Variants in FRRS1L observed in about 807,000 individuals in gnomAD.
FRRS1L encodes the protein ferric chelate reductase 1 like.
Under a neutral mutation model 28.6 loss-of-function variants are expected in FRRS1L, and 22 were observed. The observed-to-expected ratio is 0.77, with a 90% CI of 0.55 to 1.10. The LOEUF (loss-of-function observed/expected upper bound fraction) is 1.10. Ranked by LOEUF, FRRS1L falls within the 50% of genes least tolerant of loss-of-function variation. The pLI is 0.00. For missense variants in FRRS1L, 380 were observed against 386.9 expected (o/e 0.98, Z 0.15); for synonymous variants, 158 against 151.4 (o/e 1.04, Z -0.32).
chr9:109,151,822 T>C (rs954809963), intron 1 of FRRS1L: 1 of 152,770 alleles, frequency 6.5e-6, no homozygotes, highest in Non-Finnish European at 1.5e-5. Flanking sequence ...GTTTTGTTTT[T>C]TTCTGAATAG....
intron 1 of FRRS1L, among the ~76,000 whole-genome samples, chr9:109,164,626 G>A (rs1407476100): frequency 6.6e-6 from 1 of 152,058 alleles, no homozygotes; most frequent in Non-Finnish European, 1.5e-5. Flanking sequence ...TCGAACTCCT[G>A]ACCTCCTGAT....
chr9:109,131,862 G>A lies in FRRS1L; in HGVS notation c.*5593C>T, dbSNP rs1467504102. 6.6e-6 allele frequency: 1 copy of A among 152,146 alleles called. No homozygotes were observed. The allele number at this position is 152,146 out of a possible 1,614,324, so 9.4% of individuals were successfully genotyped here. A position where few individuals can be genotyped will look rare whatever the true frequency, so the allele number is the denominator to read the frequency against. ...ATCCCAGCCTTTGGCCTAGTGCAGT[G>A]GTTCTCAAACATTTTTCCATTATGG... On this transcript the variant is annotated 3_prime_UTR_variant, in exon 5 of 5. Transcript: ENST00000561981.
chr9:109,151,038 C>A (rs901839622), intron 1 of FRRS1L: 1 of 151,652 alleles, frequency 6.6e-6, no homozygotes. Context: ...CTAATTTTGT[C>A]CATTAGATTT....
In FRRS1L at chr9:109,156,689, GT is replaced by G. The variant is rs57521762; in HGVS notation, c.239-6970del. On this transcript the variant is annotated intron_variant, in intron 1 of 4. Transcript: ENST00000561981. Reference sequence around the variant, plus strand: ...CAGGCATGAGCCACTGCACCTGGATGTTTTTTTTTTTTTTTTTGAGACGGGG... The same window carrying G: ...CAGGCATGAGCCACTGCACCTGGATGTTTTTTTTTTTTTTTTGAGACGGGG... Among the ~76,000 whole-genome samples the G allele has an allele frequency of 2.1e-3, 284 of 133,470 alleles. 4 individuals carry two copies. The South Asian group carries it at 0.029, about 14-fold the overall frequency. The allele number at this position is 133,470 out of a possible 152,430, so 87.6% of individuals were successfully genotyped here.
At chr9:109,166,508 GC>G (rs764688186) in intron 1 of FRRS1L, among the ~76,000 whole-genome samples, 150 of 152,216 alleles carry the variant, frequency 9.9e-4, no homozygotes, top group Middle Eastern at 3.4e-3. Flanking sequence ...CTTCCCCCTA[GC>G]TGCCCTGGCC....
At chr9:109,156,088 T>G (rs1258934656) in intron 1 of FRRS1L, among the ~76,000 whole-genome samples, 2 of 152,176 alleles carry the variant, frequency 1.3e-5, no homozygotes, top group African/African-American at 4.8e-5. Context: ...GGATTCCCGG[T>G]AATAATCTAG....
At chr9:109,142,051 C>T (rs919479072) in intron 3 of FRRS1L, among the ~76,000 whole-genome samples, 1 of 150,436 alleles carries the variant, frequency 6.6e-6, no homozygotes, top group Non-Finnish European at 1.5e-5. Flanking sequence ...GGGCTATAAA[C>T]CCAAAATTTC....
At chr9:109,143,416 T>G (rs1263755007) in intron 3 of FRRS1L, among the ~76,000 whole-genome samples, 1 of 152,012 alleles carries the variant, frequency 6.6e-6, no homozygotes, top group African/African-American at 2.4e-5. Flanking sequence ...AGGGGGTATA[T>G]GGGAAATCTG....
chr9:109,140,658 CTGGA>C (rs1252006937), intron 4 of FRRS1L: 13 of 152,092 alleles, frequency 8.5e-5, no homozygotes, highest in African/African-American at 3.1e-4. Context: ...GTGTCAATCT[CTGGA>C]GAAGTCTCCA....
chr9:109,132,275 G>A lies in FRRS1L; in HGVS notation c.*5180C>T, dbSNP rs10979697. 0.067 allele frequency: 10,168 copies of A among 152,102 alleles called. 433 individuals are homozygous for A. The highest frequency in any genetic ancestry group is 0.11 in the African/African-American group (4,356 of 41,482). 9.4% of individuals were successfully genotyped at this position (152,102 alleles called of 1,614,324 possible). On this transcript the variant is annotated 3_prime_UTR_variant, in exon 5 of 5. Coordinates refer to ENST00000561981, the MANE Select transcript of FRRS1L (RefSeq NM_014334.4). ...CAGGCTTGAGCCACCGCGCCCGGCC[G>A]ATACAACTTTTTAAAACATCTCTAG...
chr9:109,154,654 C>G (rs1188435960), intron 1 of FRRS1L, among the ~76,000 whole-genome samples: 1 of 152,154 alleles, frequency 6.6e-6, no homozygotes, highest in Non-Finnish European at 1.5e-5. Flanking sequence ...CAAAGCCAAT[C>G]TTATATTTTT....
Position 109,166,994 on chromosome 9 carries a change from C to T in FRRS1L, c.145G>A (p.Asp49Asn), listed in dbSNP as rs1051565536. ...GGCACCGCCTCGTCGGCGCCCGTGT[C>T]CCCCCGCGCGCGTCCCCGGGGTCCC... ...GRGPRGRARG[D>N]TGADEAVPRH... Residue 49 changes from aspartate to asparagine, a missense_variant, in exon 1 of 5, where the codon GAC becomes AAC. By Grantham distance (23) the Asp-to-Asn change is conservative. Transcript: ENST00000561981. 2 of 1,265,704 alleles carry T rather than the reference C, an allele frequency of 1.6e-6. No homozygotes were observed. Among genetic ancestry groups the T allele is most frequent in the Non-Finnish European group, 1.0e-6 (1 of 1,003,486 alleles). 78.4% of individuals were successfully genotyped at this position (1,265,704 alleles called of 1,614,324 possible).
intron 3 of FRRS1L, among the ~76,000 whole-genome samples, chr9:109,143,402 C>A (rs886236039): frequency 6.6e-6 from 1 of 152,102 alleles, no homozygotes; most frequent in Non-Finnish European, 1.5e-5. Context: ...GGGGGAGGCT[C>A]CCCAGGGGGT....
At chr9:109,152,774 A>G (rs1237406444) in intron 1 of FRRS1L, among the ~76,000 whole-genome samples, 1 of 126,520 alleles carries the variant, frequency 7.9e-6, no homozygotes, top group Non-Finnish European at 1.6e-5. Context: ...ACTGCACTCC[A>G]GCCTGGGTGA....
At position 109,147,033 on chromosome 9, in the gene FRRS1L, T is replaced by C. The variant is rs527552417; in HGVS notation, c.462+18A>G. ...ACTAAAGAGAAAAAATCAGCTTCTA[T>C]CATGTTTTGCATCTTACCATTTTCT... On this transcript the variant is annotated intron_variant, in intron 3 of 4. Coordinates refer to ENST00000561981, the MANE Select transcript of FRRS1L (RefSeq NM_014334.4). The C allele has an allele frequency of 1.2e-5, 19 of 1,611,132 alleles. No homozygotes were observed. The highest frequency in any genetic ancestry group is 1.6e-5 in the Non-Finnish European group (19 of 1,177,764).
intron 1 of FRRS1L, chr9:109,150,018 C>T (rs559683300): frequency 3.8e-6 from 1 of 260,188 alleles, no homozygotes; most frequent in South Asian, 8.7e-5. Flanking sequence ...TACCGCTGTC[C>T]CCTGGGAGTT....
chr9:109,155,992 A>C (rs1235290131), intron 1 of FRRS1L, among the ~76,000 whole-genome samples: 1 of 152,162 alleles, frequency 6.6e-6, no homozygotes, highest in African/African-American at 2.4e-5. Flanking sequence ...GGATGCTTGC[A>C]TCCCATTCCC....
chr9:109,162,898 T>C (rs1237335279), intron 1 of FRRS1L, among the ~76,000 whole-genome samples: 1 of 152,232 alleles, frequency 6.6e-6, no homozygotes, highest in Admixed American at 6.5e-5. Context: ...AAATCCTTGA[T>C]TGAGCCACAT....
chr9:109,138,755 G>T (rs1831144903), intron 4 of FRRS1L: 1 of 152,266 alleles, frequency 6.6e-6, no homozygotes, highest in African/African-American at 2.4e-5. Context: ...CAGCTCACTG[G>T]TCACCTGCAA....
Sources: gnomAD v4.1 joint callset for allele counts (sites outside exome capture counted in the v4.1 genomes callset) on GRCh38, gnomAD v4.1.1 for gene constraint, MANE v1.5 for transcripts, NCBI Gene and HGNC (gene_info 2026-07-23, HGNC 2026-07-21) for gene names.